The following USH2A variants were observed in gnomAD, a reference collection of about 807,000 sequenced individuals.
USH2A encodes Usher syndrome 2A (autosomal recessive, mild).
A neutral mutation model predicts 538.9 loss-of-function variants in USH2A; 443 were observed. That is an observed-to-expected ratio of 0.82 (90% confidence interval 0.76 to 0.89). The LOEUF (loss-of-function observed/expected upper bound fraction) is 0.89. USH2A is among the 40% of genes least tolerant of loss of function. USH2A has a pLI of 0.00. For missense variants in USH2A, 6,633 were observed against 6,324.8 expected (o/e 1.05, Z -1.65); for synonymous variants, 2,413 against 2,273.5 (o/e 1.06, Z -1.75).
chr1:215,649,770 T>C (rs895017455), intron 65 of USH2A, among the ~76,000 whole-genome samples: 6 of 152,236 alleles, frequency 3.9e-5, no homozygotes, highest in African/African-American at 1.4e-4. Flanking sequence ...TACCAGGATC[T>C]GCACAATCTC....
Position 215,743,196 on chromosome 1 carries a change from C to T in USH2A, c.11529G>A (p.Arg3843=). ...TTTCACCATTTTGACATGCTTGTAT[C>T]CTTATCTCATACTGTGTGAATGGAG... ...NLTPFTQYEI[R]IQACQNGSCG... The change falls in exon 59 of 72, where the codon AGG becomes AGA. Residue 3843 remains arginine (R), a synonymous_variant. Coordinates refer to ENST00000307340, the MANE Select transcript of USH2A (RefSeq NM_206933.4). 6.2e-7 allele frequency: 1 copy of T among 1,611,090 alleles called. No individual in the cohort carries two copies. The highest frequency in any genetic ancestry group is 1.3e-5 in the African/African-American group (1 of 74,732).
Position 216,190,133 on chromosome 1 carries a change from A to G in USH2A, c.4396+90T>C, listed in dbSNP as rs994051294. 4 of 1,549,670 alleles carry G rather than the reference A, an allele frequency of 2.6e-6. No individual in the cohort carries two copies. The African/African-American group carries it at 4.1e-5, about 16-fold the overall frequency. ...GTTAGTGAGGGAGGAGAAGACAAAT[A>G]TAAAGTCTCAAGTAGAGAAGGTGTT... On this transcript the variant is annotated intron_variant, in intron 20 of 71. Transcript: ENST00000307340.
intron 4 of USH2A, among the ~76,000 whole-genome samples, chr1:216,343,080 T>C (rs1214525077): frequency 1.3e-5 from 2 of 152,028 alleles, no homozygotes; most frequent in Admixed American, 6.6e-5. Context: ...ACTAGCTGTG[T>C]CCTTGAAAAC....
chr1:215,715,151 C>G (rs1331132339), intron 61 of USH2A, among the ~76,000 whole-genome samples: 1 of 152,178 alleles, frequency 6.6e-6, no homozygotes, highest in Non-Finnish European at 1.5e-5. Flanking sequence ...CCTCACCCCC[C>G]TAATAGGCCC....
intron 32 of USH2A, among the ~76,000 whole-genome samples, chr1:216,008,892 C>T (rs2102490224): frequency 6.6e-6 from 1 of 152,214 alleles, no homozygotes; most frequent in East Asian, 1.9e-4. Context: ...AGGAGCCTTC[C>T]CTTGGTGTTT....
At chr1:215,698,180 G>A (rs1658880777) in intron 61 of USH2A, among the ~76,000 whole-genome samples, 1 of 152,148 alleles carries the variant, frequency 6.6e-6, no homozygotes, top group African/African-American at 2.4e-5. Flanking sequence ...TGGCTGCATA[G>A]TATTCCATGG....
chr1:215,997,897 A>G (rs1221794870), intron 34 of USH2A, among the ~76,000 whole-genome samples: 1 of 152,120 alleles, frequency 6.6e-6, no homozygotes, highest in Non-Finnish European at 1.5e-5. Context: ...AGGCACATGG[A>G]GTCAGTTTTG....
chr1:216,390,258 C>A (rs1407363835), intron 3 of USH2A, among the ~76,000 whole-genome samples: 1 of 152,090 alleles, frequency 6.6e-6, no homozygotes, highest in Non-Finnish European at 1.5e-5. Flanking sequence ...TGCCATTCAC[C>A]TAGTCAAATA....
intron 38 of USH2A, among the ~76,000 whole-genome samples, chr1:215,913,404 G>A (rs1665864262): frequency 6.6e-6 from 1 of 152,074 alleles, no homozygotes. Context: ...TAAGGAAGTG[G>A]TATTTAAGTT....
At chr1:215,686,444 A>G (rs146900113) in intron 61 of USH2A, among the ~76,000 whole-genome samples, 85 of 152,180 alleles carry the variant, frequency 5.6e-4, no homozygotes, top group African/African-American at 2.0e-3. Context: ...TTCTGGAGAT[A>G]CCTGGGTGGC....
At chr1:216,344,339 A>T (rs1036647481) in intron 4 of USH2A, among the ~76,000 whole-genome samples, 4 of 152,138 alleles carry the variant, frequency 2.6e-5, no homozygotes, top group African/African-American at 9.6e-5. Flanking sequence ...AATCAACATC[A>T]TACACTGAAC....
chr1:216,358,201 C>T (rs1396222265), intron 4 of USH2A, among the ~76,000 whole-genome samples: 1 of 152,114 alleles, frequency 6.6e-6, no homozygotes, highest in African/African-American at 2.4e-5. Flanking sequence ...AGCCAACACT[C>T]ATATGGAAGG....
chr1:216,183,996 A>G lies in USH2A; in HGVS notation c.4396+6227T>C, dbSNP rs1463602099. Reference sequence around the variant, plus strand: ...ATAATTTCTGTTGAAAGAGCAAAACAAACAAACAAAAAACCTTCAGTGTAC... The same window carrying G: ...ATAATTTCTGTTGAAAGAGCAAAACGAACAAACAAAAAACCTTCAGTGTAC... On this transcript the variant is annotated intron_variant, in intron 20 of 71. Transcript: ENST00000307340. 2.0e-5 allele frequency among the ~76,000 whole-genome samples: 3 copies of G among 152,134 alleles called. No homozygotes were observed. In the East Asian group the frequency reaches 5.8e-4, roughly 29 times the overall value.
intron 51 of USH2A, among the ~76,000 whole-genome samples, chr1:215,788,282 A>G (rs1288579179): frequency 1.3e-5 from 2 of 152,052 alleles, no homozygotes; most frequent in Non-Finnish European, 2.9e-5. Flanking sequence ...GGATGTTGAA[A>G]CCTGGCTGCA....
At chr1:216,066,052 C>T (rs918357889) in intron 30 of USH2A, among the ~76,000 whole-genome samples, 6 of 151,912 alleles carry the variant, frequency 3.9e-5, no homozygotes, top group African/African-American at 1.5e-4. Context: ...ATATATTTTG[C>T]CTTTTAAATT....
At chr1:215,853,241 G>A (rs946133366) in intron 44 of USH2A, among the ~76,000 whole-genome samples, 1 of 152,226 alleles carries the variant, frequency 6.6e-6, no homozygotes, top group Non-Finnish European at 1.5e-5. Flanking sequence ...GCCAGGTCTT[G>A]GGGGTTGCAC....
At chr1:216,377,901 AAGAG>A (rs113201714) in intron 3 of USH2A, among the ~76,000 whole-genome samples, 2 of 146,184 alleles carry the variant, frequency 1.4e-5, no homozygotes, top group African/African-American at 2.7e-5. Flanking sequence ...GGAAGAAAGA[AAGAG>A]AAAGAAAGAG....
chr1:215,629,187 G>A, intron 70 of USH2A, 152 bp from the exon 71 acceptor site: 1 of 845,348 alleles, frequency 1.2e-6, no homozygotes, highest in Non-Finnish European at 1.9e-6. Flanking sequence ...GTCACCTACA[G>A]AATTTAGCAG....
chr1:216,210,254 G>T (rs957319511), intron 15 of USH2A, among the ~76,000 whole-genome samples: 2 of 150,628 alleles, frequency 1.3e-5, no homozygotes, highest in African/African-American at 2.5e-5. Flanking sequence ...ACCACTGGAG[G>T]CTATATGAGT....
Sources: allele counts gnomAD v4.1 joint callset (sites outside exome capture counted in the v4.1 genomes callset), GRCh38; gene constraint gnomAD v4.1.1; transcripts MANE v1.5; gene names NCBI Gene and HGNC (gene_info 2026-07-23, HGNC 2026-07-21).